The following RBFOX1 variants were observed in gnomAD, a reference collection of about 807,000 sequenced individuals.
The protein encoded by RBFOX1 is RNA binding fox-1 homolog 1.
A neutral mutation model predicts 57.7 loss-of-function variants in RBFOX1; 8 were observed. That is an observed-to-expected ratio of 0.14 (90% CI 0.08 to 0.25). The LOEUF (loss-of-function observed/expected upper bound fraction) is 0.25. Among genes scored for constraint, RBFOX1 ranks in the 10% least tolerant of loss-of-function variants. The pLI is 1.00. For synonymous variants in RBFOX1, 326 were observed against 222.4 expected (o/e 1.47, Z -4.15); for missense variants, 611 against 548.5 (o/e 1.11, Z -1.14).
intron 3 of RBFOX1, among the ~76,000 whole-genome samples, chr16:6,757,229 C>T (rs147043709): frequency 9.9e-5 from 15 of 152,078 alleles, no homozygotes; most frequent in African/African-American, 3.4e-4. Flanking sequence ...ATAGGGAAAA[C>T]AATACAGAGG....
At chr16:6,607,433 TC>T (rs1424926359) in intron 2 of RBFOX1, among the ~76,000 whole-genome samples, 1,854 of 149,294 alleles carry the variant, frequency 0.012, 52 homozygotes, top group African/African-American at 0.043. Flanking sequence ...TCTCTCTCTC[TC>T]TCGCTCTCTA....
intron 3 of RBFOX1, among the ~76,000 whole-genome samples, chr16:6,720,972 TTAACA>T (rs1463999760): frequency 1.3e-5 from 2 of 152,262 alleles, no homozygotes; most frequent in Admixed American, 6.5e-5. Flanking sequence ...TAATTCCTAC[TTAACA>T]TAAGGATCAT....
intron 2 of RBFOX1, among the ~76,000 whole-genome samples, chr16:6,612,923 G>A (rs566026813): frequency 1.3e-5 from 2 of 150,978 alleles, no homozygotes; most frequent in East Asian, 3.9e-4. Flanking sequence ...TGAAAGTGAA[G>A]ATTACCAAAT....
chr16:5,814,651 G>C (rs113548887), intron 3 of RBFOX1, among the ~76,000 whole-genome samples: 3 of 152,102 alleles, frequency 2.0e-5, no homozygotes, highest in Non-Finnish European at 4.4e-5. Context: ...ATTCCTGGCC[G>C]GGCGCGGTGG....
intron 5 of RBFOX1, chr16:7,519,698 A>C (rs2077107931): frequency 1.0e-6 from 1 of 985,226 alleles, no homozygotes; most frequent in African/African-American, 1.7e-5. Flanking sequence ...TGTCGTCTGG[A>C]ACATTTTTTG....
chr16:7,623,492 G>A (rs191882188), intron 10 of RBFOX1, among the ~76,000 whole-genome samples: 2 of 152,102 alleles, frequency 1.3e-5, no homozygotes, highest in African/African-American at 2.4e-5. Context: ...CCCTAGCTCA[G>A]TTCACAATAA....
At chr16:7,576,126 G>C (rs542239796) in intron 5 of RBFOX1, among the ~76,000 whole-genome samples, 12 of 151,066 alleles carry the variant, frequency 7.9e-5, no homozygotes, top group Non-Finnish European at 1.8e-4. Context: ...ATTTAGTGGA[G>C]ACAGGGTCTC....
At chr16:7,593,961 C>G (rs1019135135) in intron 7 of RBFOX1, among the ~76,000 whole-genome samples, 1 of 152,104 alleles carries the variant, frequency 6.6e-6, no homozygotes. Flanking sequence ...TTAGCCAGCC[C>G]ATTGCACAAT....
intron 1 of RBFOX1, among the ~76,000 whole-genome samples, chr16:5,438,853 C>T (rs1224856186): frequency 4.6e-5 from 7 of 151,996 alleles, no homozygotes; most frequent in African/African-American, 1.2e-4. Flanking sequence ...GCCTTCACCA[C>T]GAGTCGAGTA....
chr16:6,098,982 C>G (rs568792367), intron 1 of RBFOX1, among the ~76,000 whole-genome samples: 1 of 152,176 alleles, frequency 6.6e-6, no homozygotes, highest in Non-Finnish European at 1.5e-5. Flanking sequence ...ACTATTAATT[C>G]ATGATTCATA....
chr16:7,260,650 C>T (rs890818315), intron 4 of RBFOX1, among the ~76,000 whole-genome samples: 9 of 151,994 alleles, frequency 5.9e-5, no homozygotes, highest in Non-Finnish European at 1.2e-4. Context: ...TGTTATATTC[C>T]ATTAGTTTAT....
chr16:6,735,869 C>G (rs972050532), intron 3 of RBFOX1, among the ~76,000 whole-genome samples: 7 of 152,062 alleles, frequency 4.6e-5, no homozygotes, highest in South Asian at 2.1e-4. Context: ...GGCCCTCCTT[C>G]TGAGACCTCT....
intron 2 of RBFOX1, among the ~76,000 whole-genome samples, chr16:6,507,410 C>T (rs1344952876): frequency 6.9e-6 from 1 of 143,894 alleles, no homozygotes; most frequent in South Asian, 2.1e-4. Context: ...GAGGCTAATG[C>T]CTGTAATCCC....
chr16:7,252,970 A>G (rs186505945), intron 4 of RBFOX1, among the ~76,000 whole-genome samples: 1 of 152,304 alleles, frequency 6.6e-6, no homozygotes, highest in East Asian at 1.9e-4. Context: ...AAGCATGCAC[A>G]TATGTTAAAG....
intron 4 of RBFOX1, among the ~76,000 whole-genome samples, chr16:6,002,681 T>C (rs2060622450): frequency 6.6e-6 from 1 of 152,206 alleles, no homozygotes; most frequent in African/African-American, 2.4e-5. Context: ...TAGCACATGA[T>C]AGGCACTTGG....
At chr16:7,096,587 C>T (rs952927344) in intron 4 of RBFOX1, among the ~76,000 whole-genome samples, 1 of 152,032 alleles carries the variant, frequency 6.6e-6, no homozygotes, top group Non-Finnish European at 1.5e-5. Context: ...AACATCCAAC[C>T]CTGTGTAAAA....
intron 2 of RBFOX1, among the ~76,000 whole-genome samples, chr16:6,349,783 A>G (rs1329160766): frequency 6.6e-6 from 1 of 152,160 alleles, no homozygotes; most frequent in Admixed American, 6.5e-5. Context: ...TATCTTCTCC[A>G]TTTTTCCCCA....
intron 3 of RBFOX1, among the ~76,000 whole-genome samples, chr16:6,861,141 C>T (rs1286242962): frequency 6.6e-6 from 1 of 152,088 alleles, no homozygotes; most frequent in African/African-American, 2.4e-5. Flanking sequence ...GCTCCAGCAT[C>T]TTCCGTATTT....
intron 3 of RBFOX1, among the ~76,000 whole-genome samples, chr16:7,034,063 G>A (rs1597575201): frequency 6.6e-6 from 1 of 152,188 alleles, no homozygotes; most frequent in East Asian, 1.9e-4. Flanking sequence ...GTATGGCAGG[G>A]GATGGGGACG....
Sources: allele counts gnomAD v4.1 joint callset (sites outside exome capture counted in the v4.1 genomes callset), GRCh38; gene constraint gnomAD v4.1.1; transcripts MANE v1.5; gene names NCBI Gene and HGNC (gene_info 2026-07-23, HGNC 2026-07-21).